Variants in ZSWIM6 observed in about 807,000 individuals in gnomAD.
ZSWIM6 encodes the protein zinc finger SWIM domain-containing protein 6.
Under a neutral mutation model 113.2 loss-of-function variants are expected in ZSWIM6, and 9 were observed. The ratio of observed to expected loss-of-function variants is 0.08; its 90% CI spans 0.05 to 0.14. ZSWIM6 has a LOEUF of 0.14. Among genes scored for constraint, ZSWIM6 ranks in the 10% least tolerant of loss-of-function variants. ZSWIM6 has a pLI of 1.00. For synonymous variants in ZSWIM6, 611 were observed against 606.5 expected, an observed-to-expected ratio of 1.01 and a Z score of -0.11; for missense variants, 1,162 against 1,552.2, an observed-to-expected ratio of 0.75 and a Z score of 4.22.
intron 1 of ZSWIM6, among the ~76,000 whole-genome samples, chr5:61,456,637 G>A (rs1208595099): frequency 6.6e-6 from 1 of 152,174 alleles, no homozygotes; most frequent in African/African-American, 2.4e-5. Flanking sequence ...AACTTTGATA[G>A]CAGAGTGAAG....
At chr5:61,432,437 A>T (rs565428444) in intron 1 of ZSWIM6, among the ~76,000 whole-genome samples, 1 of 152,228 alleles carries the variant, frequency 6.6e-6, no homozygotes, top group Non-Finnish European at 1.5e-5. Flanking sequence ...TTGCATATTA[A>T]TTGAAACTGG....
chr5:61,409,205 T>G (rs969192386), intron 1 of ZSWIM6, among the ~76,000 whole-genome samples: 6 of 151,972 alleles, frequency 3.9e-5, no homozygotes, highest in African/African-American at 1.5e-4. Flanking sequence ...CCATTTTGTT[T>G]TTGTTTTTGT....
chr5:61,356,801 AATAT>A (rs999587339), intron 1 of ZSWIM6, among the ~76,000 whole-genome samples: 2 of 142,020 alleles, frequency 1.4e-5, no homozygotes, highest in African/African-American at 2.6e-5. Context: ...ATATAATATA[AATAT>A]ATAATTGATA....
chr5:61,473,104 T>C, intron 2 of ZSWIM6, 67 bp downstream of exon 2: 1 of 1,065,350 alleles, frequency 9.4e-7, no homozygotes, highest in Non-Finnish European at 1.3e-6. Flanking sequence ...ATTCAATTCT[T>C]CTGCATAAAA....
At chr5:61,433,494 CAG>C (rs1279549540) in intron 1 of ZSWIM6, among the ~76,000 whole-genome samples, 1 of 144,286 alleles carries the variant, frequency 6.9e-6, no homozygotes, top group Non-Finnish European at 1.5e-5. Flanking sequence ...TTTTTTGAGA[CAG>C]AGTTTTGCTC....
At chr5:61,480,682 A>G (rs1747833709) in intron 2 of ZSWIM6, among the ~76,000 whole-genome samples, 2 of 152,198 alleles carry the variant, frequency 1.3e-5, no homozygotes, top group South Asian at 4.1e-4. Flanking sequence ...TCTAAAAAGT[A>G]TGTTTATTGA....
chr5:61,391,507 C>A (rs963744727), intron 1 of ZSWIM6: 2 of 1,231,268 alleles, frequency 1.6e-6, no homozygotes, highest in Non-Finnish European at 2.4e-6. Flanking sequence ...AGATTTATGC[C>A]GGTTTTTATA....
intron 1 of ZSWIM6, among the ~76,000 whole-genome samples, chr5:61,367,298 C>A (rs1461514663): frequency 1.3e-5 from 2 of 151,912 alleles, no homozygotes; most frequent in Non-Finnish European, 2.9e-5. Flanking sequence ...ATTCTGTAGC[C>A]CAGGCTAGGT....
chr5:61,355,980 G>C (rs1287817720), intron 1 of ZSWIM6, among the ~76,000 whole-genome samples: 1 of 152,058 alleles, frequency 6.6e-6, no homozygotes, highest in African/African-American at 2.4e-5. Flanking sequence ...AGTTCTTTCT[G>C]TTTATGTATA....
chr5:61,515,609 T>A (rs1474859742), intron 4 of ZSWIM6, among the ~76,000 whole-genome samples: 1 of 152,086 alleles, frequency 6.6e-6, no homozygotes, highest in Non-Finnish European at 1.5e-5. Flanking sequence ...CCTAATCACT[T>A]CTTAAGGACC....
rs67255045 is a variant in ZSWIM6, at chr5:61,377,715, CAA to C, written c.676+44779_676+44780del. 3.1e-4 allele frequency among the ~76,000 whole-genome samples: 39 copies of C among 125,554 alleles called. 1 individual carries two copies. The highest frequency in any genetic ancestry group is 1.2e-3 in the East Asian group (5 of 4,228). The allele number at this position is 125,554 out of a possible 152,430, so 82.4% of individuals were successfully genotyped here. A position where few individuals can be genotyped will look rare whatever the true frequency, so the allele number is the denominator to read the frequency against. On this transcript the variant is annotated intron_variant, in intron 1 of 13. Coordinates refer to ENST00000252744, the MANE Select transcript of ZSWIM6 (RefSeq NM_020928.2). ...CTGGCGACAGAGCGAGACTTCGTCT[CAA>C]AAAAAAAAAAACCCCACAAAGTCAA...
intron 1 of ZSWIM6, chr5:61,391,835 AC>A: frequency 1.3e-6 from 1 of 760,882 alleles, no homozygotes. Flanking sequence ...AAGCCGAGGG[AC>A]CCATGTCTGG....
intron 1 of ZSWIM6, among the ~76,000 whole-genome samples, chr5:61,389,013 G>C (rs116778493): frequency 6.6e-6 from 1 of 151,990 alleles, no homozygotes; most frequent in African/African-American, 2.4e-5. Flanking sequence ...TTGGTGTACC[G>C]GGACACATAC....
chr5:61,471,641 T>C (rs1747575014), intron 1 of ZSWIM6, among the ~76,000 whole-genome samples: 1 of 152,178 alleles, frequency 6.6e-6, no homozygotes, highest in Non-Finnish European at 1.5e-5. Flanking sequence ...TAGATTCTCA[T>C]AGGAGCACAA....
chr5:61,470,703 A>ATC (rs1747548962), intron 1 of ZSWIM6, among the ~76,000 whole-genome samples: 5 of 152,000 alleles, frequency 3.3e-5, no homozygotes, highest in African/African-American at 1.2e-4. Flanking sequence ...TGAAAAAAAA[A>ATC]CCAAAGATTA....
chr5:61,402,102 AT>A (rs1745950903), intron 1 of ZSWIM6, among the ~76,000 whole-genome samples: 3 of 152,104 alleles, frequency 2.0e-5, no homozygotes, highest in Admixed American at 1.3e-4. Context: ...ATGATTTCTT[AT>A]CATCTTGTCA....
intron 1 of ZSWIM6, among the ~76,000 whole-genome samples, chr5:61,351,301 A>T (rs1214265369): frequency 6.6e-6 from 1 of 152,204 alleles, no homozygotes; most frequent in African/African-American, 2.4e-5. Context: ...TATGTTATTC[A>T]TGTGTAGAAT....
intron 1 of ZSWIM6, among the ~76,000 whole-genome samples, chr5:61,364,705 G>A (rs963252267): frequency 1.3e-5 from 2 of 152,230 alleles, no homozygotes; most frequent in Middle Eastern, 3.4e-3. Context: ...TTCCTGGTTC[G>A]TAGATGACAC....
At chr5:61,527,354 T>A (rs1025378346) in intron 7 of ZSWIM6, among the ~76,000 whole-genome samples, 1 of 152,194 alleles carries the variant, frequency 6.6e-6, no homozygotes, top group Non-Finnish European at 1.5e-5. Flanking sequence ...GTTTTGGTTT[T>A]GGTTATATTT....
Sources: gnomAD v4.1 joint callset for allele counts (sites outside exome capture counted in the v4.1 genomes callset) on GRCh38, gnomAD v4.1.1 for gene constraint, MANE v1.5 for transcripts, NCBI Gene and HGNC (gene_info 2026-07-23, HGNC 2026-07-21) for gene names.